TENM2: variants seen among roughly 807,000 people sequenced by gnomAD.
TENM2 encodes the protein teneurin transmembrane protein 2.
TENM2 carries 52 observed loss-of-function variants against 245.2 expected under a neutral mutation model. The ratio of observed to expected loss-of-function variants is 0.21; its 90% CI spans 0.17 to 0.27. The LOEUF (loss-of-function observed/expected upper bound fraction) is 0.27, where lower values mean the gene tolerates loss of function less well. TENM2 is among the 10% of genes least tolerant of loss of function. The pLI is 1.00. For missense variants in TENM2, 3,046 were observed against 3,666.8 expected, an observed-to-expected ratio of 0.83 and a Z score of 4.37; for synonymous variants, 1,363 against 1,438.9, an observed-to-expected ratio of 0.95 and a Z score of 1.19.
intron 2 of TENM2, among the ~76,000 whole-genome samples, chr5:167,428,210 A>G (rs959833059): frequency 4.6e-5 from 7 of 152,208 alleles, no homozygotes; most frequent in African/African-American, 1.7e-4. Context: ...AGTTTTTTAA[A>G]AAATTAATTA....
At chr5:167,643,310 C>T (rs1268850199) in intron 2 of TENM2, among the ~76,000 whole-genome samples, 1 of 152,150 alleles carries the variant, frequency 6.6e-6, no homozygotes, top group Non-Finnish European at 1.5e-5. Context: ...TTTCCTGTCT[C>T]TATAAATTTG....
intron 2 of TENM2, among the ~76,000 whole-genome samples, chr5:167,605,015 C>T (rs777358172): frequency 1.3e-5 from 2 of 152,106 alleles, no homozygotes; most frequent in Admixed American, 6.5e-5. Flanking sequence ...CTTGGAGGCA[C>T]GAGGCAAGGT....
chr5:168,088,148 C>G (rs1033701052), intron 7 of TENM2: 7 of 152,158 alleles, frequency 4.6e-5, no homozygotes, highest in Non-Finnish European at 4.4e-5. Flanking sequence ...TGGCCCCACA[C>G]AAGTAATCAC....
intron 1 of TENM2, among the ~76,000 whole-genome samples, chr5:167,288,610 T>C (rs1034185276): frequency 1.3e-5 from 2 of 151,306 alleles, no homozygotes; most frequent in Non-Finnish European, 2.9e-5. Flanking sequence ...ATTTGTTGAG[T>C]AGTTTGTGTC....
chr5:167,840,998 A>C (rs984933469), intron 2 of TENM2, among the ~76,000 whole-genome samples: 2 of 152,078 alleles, frequency 1.3e-5, no homozygotes, highest in Admixed American at 1.3e-4. Flanking sequence ...ACCACATGCC[A>C]TCTAGGCAGG....
intron 2 of TENM2, among the ~76,000 whole-genome samples, chr5:167,690,970 T>TGTGTGTGTGTAG (rs143481347): frequency 2.8e-5 from 4 of 142,190 alleles, no homozygotes; most frequent in African/African-American, 1.1e-4. Context: ...TGTGTGTGTG[T>TGTGTGTGTGTAG]AGAGAGAGAG....
At chr5:167,496,502 C>G (rs1768828863) in intron 2 of TENM2, among the ~76,000 whole-genome samples, 1 of 151,986 alleles carries the variant, frequency 6.6e-6, no homozygotes, top group East Asian at 1.9e-4. Context: ...TTGTTTCTTG[C>G]TTTAGTGGTA....
At position 168,238,604 on chromosome 5, in the gene TENM2, C is replaced by T. The variant is rs113267979; in HGVS notation, c.5521-5816C>T. Among the ~76,000 whole-genome samples the T allele has an allele frequency of 6.0e-3, 911 of 152,348 alleles. 3 individuals carry two copies. The highest frequency in any genetic ancestry group is 0.019 in the South Asian group (90 of 4,822). On this transcript the variant is annotated intron_variant, in intron 25 of 28. Transcript: ENST00000518659. ...TCCCTCATGTTTCTCAAATCACTAG[C>T]TCCCGTCATTGCGCCTGGAGCTAAG...
At chr5:167,260,792 A>G in the TENM2 span, among the ~76,000 whole-genome samples, 1 of 152,206 alleles carries the variant, frequency 6.6e-6, no homozygotes, top group East Asian at 1.9e-4. Flanking sequence ...TATAAAGGCA[A>G]TATTAGGATG....
intron 2 of TENM2, among the ~76,000 whole-genome samples, chr5:167,737,791 C>T (rs1210525129): frequency 1.3e-5 from 2 of 152,204 alleles, no homozygotes; most frequent in East Asian, 1.9e-4. Context: ...TGTTTCTGCC[C>T]TATCAGGGTT....
chr5:167,638,637 G>T (rs1433488478), intron 2 of TENM2, among the ~76,000 whole-genome samples: 1 of 152,208 alleles, frequency 6.6e-6, no homozygotes, highest in Non-Finnish European at 1.5e-5. Context: ...CATATAGATA[G>T]ATTATTTAAA....
intron 5 of TENM2, among the ~76,000 whole-genome samples, chr5:168,031,941 G>T (rs13158058): frequency 0.54 from 81,797 of 152,078 alleles, 25,222 homozygotes; most frequent in East Asian, 0.85. Flanking sequence ...AATCACCATA[G>T]TCTATTATTC....
chr5:166,999,025 A>T, the TENM2 span, among the ~76,000 whole-genome samples: 35 of 149,984 alleles, frequency 2.3e-4, no homozygotes, highest in East Asian at 5.8e-3. Flanking sequence ...TATATTTATT[A>T]TAATATATTT....
At chr5:167,043,385 T>C in the TENM2 span, among the ~76,000 whole-genome samples, 1 of 152,180 alleles carries the variant, frequency 6.6e-6, no homozygotes, top group African/African-American at 2.4e-5. Context: ...TTTATTTCTG[T>C]CGGGGAAAGA....
At chr5:167,344,309 C>CAT (rs1298761207) in intron 1 of TENM2, among the ~76,000 whole-genome samples, 2,889 of 84,408 alleles carry the variant, frequency 0.034, 79 homozygotes, top group Middle Eastern at 0.072. Context: ...CACACACACA[C>CAT]ATATATATAT....
intron 2 of TENM2, among the ~76,000 whole-genome samples, chr5:167,384,565 C>T (rs1041753529): frequency 7.2e-5 from 11 of 152,176 alleles, no homozygotes; most frequent in African/African-American, 2.7e-4. Flanking sequence ...TGACCAAGAG[C>T]TGTGAGCTTC....
intron 2 of TENM2, among the ~76,000 whole-genome samples, chr5:167,552,099 G>A (rs754298700): frequency 4.6e-5 from 7 of 152,180 alleles, no homozygotes; most frequent in Non-Finnish European, 4.4e-5. Context: ...ATTCTCAAGT[G>A]TCCTGAAAAG....
At chr5:167,562,234 A>G (rs1397295063) in intron 2 of TENM2, among the ~76,000 whole-genome samples, 1 of 152,182 alleles carries the variant, frequency 6.6e-6, no homozygotes, top group Non-Finnish European at 1.5e-5. Context: ...AGGAAAATTG[A>G]ACATAGAGAG....
chr5:167,879,931 A>G (rs1157005607), intron 3 of TENM2, among the ~76,000 whole-genome samples: 1 of 152,216 alleles, frequency 6.6e-6, no homozygotes, highest in Non-Finnish European at 1.5e-5. Flanking sequence ...GGGGTTGCCT[A>G]GGATCAATAA....
Sources: gnomAD v4.1 joint callset for allele counts (sites outside exome capture counted in the v4.1 genomes callset) on GRCh38, gnomAD v4.1.1 for gene constraint, MANE v1.5 for transcripts, NCBI Gene and HGNC (gene_info 2026-07-23, HGNC 2026-07-21) for gene names.